The following FAM222A variants were observed in gnomAD, a reference collection of about 807,000 sequenced individuals.
The protein encoded by FAM222A is protein FAM222A.
A neutral mutation model predicts 25.8 loss-of-function variants in FAM222A; 7 were observed. That is an observed-to-expected ratio of 0.27 (90% CI 0.15 to 0.51). The LOEUF (loss-of-function observed/expected upper bound fraction) is 0.51, where lower values mean the gene tolerates loss of function less well. FAM222A is among the 20% of genes least tolerant of loss of function. The pLI is 0.97. For synonymous variants in FAM222A, 294 were observed against 298.8 expected, an observed-to-expected ratio of 0.98 and a Z score of 0.17; for missense variants, 573 against 640.5, an observed-to-expected ratio of 0.89 and a Z score of 1.14.
chr12:109,733,250 CAAG>C (rs1313120144), intron 1 of FAM222A, among the ~76,000 whole-genome samples: 1 of 152,158 alleles, frequency 6.6e-6, no homozygotes, highest in Non-Finnish European at 1.5e-5. Context: ...AGAATAAAAA[CAAG>C]AACATAAAAT....
At chr12:109,716,728 C>T (rs998769772) in intron 1 of FAM222A, among the ~76,000 whole-genome samples, 2 of 152,242 alleles carry the variant, frequency 1.3e-5, no homozygotes, top group African/African-American at 2.4e-5. Flanking sequence ...TTTACACTTC[C>T]ACAGCCAAGG....
rs778870307 is a variant in FAM222A, at chr12:109,768,121, C to T, written c.192C>T (p.Pro64=). The T allele has an allele frequency of 2.5e-6, 4 of 1,613,900 alleles. No homozygotes were observed. The highest frequency in any genetic ancestry group is 2.7e-5 in the African/African-American group (2 of 74,918). The change falls in exon 3 of 3, where the codon CCC becomes CCT. Residue 64 remains proline (P), a synonymous_variant. Transcript: ENST00000538780. ...GCCCGCTGTCCATCAAGATCTTCCC[C>T]ACCAACATCCGTGTGCCCCAGCACA... ...ANSPLSIKIF[P]TNIRVPQHKH...
Position 109,713,861 on chromosome 12 carries a change from G to A in FAM222A, c.-1083G>A, listed in dbSNP as rs1286995384. ...AGCGGAGCAGCGGGCAGGACTGCCT[G>A]GCCGGCTGCTCCGCGGAGAGGCTGC... On this transcript the variant is annotated 5_prime_UTR_variant, in exon 1 of 3. Coordinates refer to ENST00000538780, the MANE Select transcript of FAM222A (RefSeq NM_032829.3). 6.7e-6 allele frequency among the ~76,000 whole-genome samples: 1 copy of A among 149,596 alleles called. No individual in the cohort carries two copies. Among genetic ancestry groups the A allele is most frequent in the African/African-American group, 2.4e-5 (1 of 41,074 alleles).
rs959125125 is a variant in FAM222A at position 109,713,989 on chromosome 12, G to C, written c.-955G>C. 8.4e-4 allele frequency among the ~76,000 whole-genome samples: 123 copies of C among 146,416 alleles called. No individual in the cohort carries two copies. The highest frequency in any genetic ancestry group is 1.6e-3 in the Non-Finnish European group (104 of 65,886). ...GGCGAGGCGCCGGCGCGCGCCAGAC[G>C]GCGCGAGGCTGCGGCCCCGGGAGCC... On this transcript the variant is annotated 5_prime_UTR_variant, in exon 1 of 3. Coordinates refer to ENST00000538780, the MANE Select transcript of FAM222A (RefSeq NM_032829.3).
At chr12:109,744,056 C>CG in intron 1 of FAM222A, 45 bp from the exon 2 acceptor site, 1 of 1,514,546 alleles carries the variant, frequency 6.6e-7, no homozygotes, top group Non-Finnish European at 8.8e-7. Context: ...GAGGCGAACA[C>CG]GGAGCAGCCC....
At chr12:109,733,424 C>T (rs1376892860) in intron 1 of FAM222A, among the ~76,000 whole-genome samples, 5 of 148,418 alleles carry the variant, frequency 3.4e-5, no homozygotes, top group East Asian at 2.0e-4. Context: ...TTTTTTGAGA[C>T]GGAGTCTCGT....
chr12:109,743,786 A>G (rs1470934125), intron 1 of FAM222A, among the ~76,000 whole-genome samples: 1 of 152,106 alleles, frequency 6.6e-6, no homozygotes, highest in Non-Finnish European at 1.5e-5. Context: ...GGGAGTGAGG[A>G]TCTCACCCAG....
intron 1 of FAM222A, chr12:109,720,120 T>G: frequency 1.0e-6 from 1 of 985,434 alleles, no homozygotes. Context: ...TGGGCTGGGC[T>G]TGAATACAGG....
intron 2 of FAM222A, among the ~76,000 whole-genome samples, chr12:109,753,956 G>T (rs77146662): frequency 4.6e-5 from 7 of 152,210 alleles, no homozygotes; most frequent in African/African-American, 1.4e-4. Flanking sequence ...CACCCCTGCC[G>T]CAGGTACCAA....
In FAM222A at chr12:109,769,308, C is replaced by T. The variant is rs752076569; in HGVS notation, c.*20C>T. 10 of 1,581,414 alleles carry T rather than the reference C, an allele frequency of 6.3e-6. No individual in the cohort carries two copies. Among genetic ancestry groups the T allele is most frequent in the Non-Finnish European group, 8.6e-6 (10 of 1,163,954 alleles). ...AGATAAGGCCTGCCCTGCGGACATACGGACATGCGGACAGGGCGCAGAGCC... is the reference window on the plus strand; with the variant it reads ...AGATAAGGCCTGCCCTGCGGACATATGGACATGCGGACAGGGCGCAGAGCC... On this transcript the variant is annotated 3_prime_UTR_variant, in exon 3 of 3. Coordinates refer to ENST00000538780, the MANE Select transcript of FAM222A (RefSeq NM_032829.3).
intron 2 of FAM222A, among the ~76,000 whole-genome samples, chr12:109,749,539 T>C (rs937409046): frequency 2.0e-5 from 3 of 152,198 alleles, no homozygotes; most frequent in African/African-American, 7.2e-5. Context: ...GCTTTGTGGA[T>C]TTTTTTATGG....
chr12:109,745,795 T>C (rs527289183), intron 2 of FAM222A, among the ~76,000 whole-genome samples: 76 of 152,340 alleles, frequency 5.0e-4, no homozygotes, highest in Non-Finnish European at 8.4e-4. Context: ...TGTGAGCCAC[T>C]GCACCTGGCT....
chr12:109,725,768 C>T (rs1237861573), intron 1 of FAM222A, among the ~76,000 whole-genome samples: 1 of 151,842 alleles, frequency 6.6e-6, no homozygotes, highest in Non-Finnish European at 1.5e-5. Context: ...CAATTAATGC[C>T]AATCAGGCCC....
At chr12:109,758,178 C>T (rs549490209) in intron 2 of FAM222A, among the ~76,000 whole-genome samples, 2 of 152,288 alleles carry the variant, frequency 1.3e-5, no homozygotes, top group South Asian at 2.1e-4. Context: ...AATGTCTGGG[C>T]ACACATGTGA....
chr12:109,735,900 T>G (rs1002833503), intron 1 of FAM222A: 4 of 152,256 alleles, frequency 2.6e-5, no homozygotes, highest in African/African-American at 9.6e-5. Context: ...GAACAGAGGC[T>G]CAGCCTGCCC....
intron 1 of FAM222A, chr12:109,720,318 C>A: frequency 2.1e-6 from 1 of 485,652 alleles, no homozygotes; most frequent in Non-Finnish European, 2.7e-6. Flanking sequence ...ACTTAATGAC[C>A]CAGAGTCTGT....
intron 2 of FAM222A, among the ~76,000 whole-genome samples, chr12:109,748,938 C>T (rs965268119): frequency 1.3e-5 from 2 of 151,994 alleles, no homozygotes; most frequent in African/African-American, 2.4e-5. Context: ...TTACATTAAT[C>T]TTTTTTTAAA....
intron 2 of FAM222A, among the ~76,000 whole-genome samples, chr12:109,762,550 G>A (rs1433459811): frequency 2.0e-5 from 3 of 152,156 alleles, no homozygotes; most frequent in South Asian, 2.1e-4. Context: ...GTCCCAGCCC[G>A]CTGGCTCACC....
chr12:109,735,862 C>T (rs1592783842), intron 1 of FAM222A: 2 of 152,360 alleles, frequency 1.3e-5, no homozygotes, highest in Middle Eastern at 6.8e-3. Flanking sequence ...TGACAATTTT[C>T]ATTAAAGAGC....
Sources: gnomAD v4.1 joint callset for allele counts (sites outside exome capture counted in the v4.1 genomes callset) on GRCh38, gnomAD v4.1.1 for gene constraint, MANE v1.5 for transcripts, NCBI Gene and HGNC (gene_info 2026-07-23, HGNC 2026-07-21) for gene names.